The following VAV3 variants were observed in gnomAD, a reference collection of about 807,000 sequenced individuals.
The protein encoded by VAV3 is vav guanine nucleotide exchange factor 3, also known as guanine nucleotide exchange factor VAV3.
VAV3 carries 94 observed loss-of-function variants against 131.2 expected under a neutral mutation model. The ratio of observed to expected loss-of-function variants is 0.72; its 90% CI spans 0.61 to 0.85. The LOEUF is 0.85. VAV3 is among the 40% of genes least tolerant of loss of function. VAV3 has a pLI of 0.00. For synonymous variants in VAV3, 349 were observed against 342.0 expected (o/e 1.02, Z -0.22); for missense variants, 939 against 1,002.7 (o/e 0.94, Z 0.86).
chr1:107,822,851 T>C (rs192385734), intron 2 of VAV3, among the ~76,000 whole-genome samples: 1 of 152,274 alleles, frequency 6.6e-6, no homozygotes, highest in African/African-American at 2.4e-5. Flanking sequence ...TACCAGGCAC[T>C]TTTCTAGGTA....
intron 18 of VAV3, among the ~76,000 whole-genome samples, chr1:107,686,135 A>C (rs1659015269): frequency 6.6e-6 from 1 of 152,020 alleles, no homozygotes. Flanking sequence ...CCTCTAAAAA[A>C]AAAGGGATTT....
chr1:107,691,078 T>C (rs1382929074), intron 17 of VAV3, among the ~76,000 whole-genome samples: 2 of 152,196 alleles, frequency 1.3e-5, no homozygotes, highest in Middle Eastern at 3.2e-3. Context: ...CCTGTATTTA[T>C]GCTTTTGTGC....
intron 17 of VAV3, among the ~76,000 whole-genome samples, chr1:107,691,731 G>T (rs1659435383): frequency 6.6e-6 from 1 of 152,044 alleles, no homozygotes; most frequent in Non-Finnish European, 1.5e-5. Flanking sequence ...GGGCCCTCAA[G>T]GGGTTTATAC....
intron 21 of VAV3, among the ~76,000 whole-genome samples, chr1:107,615,663 C>T (rs983279647): frequency 6.6e-6 from 1 of 152,084 alleles, no homozygotes; most frequent in African/African-American, 2.4e-5. Flanking sequence ...AAACAGGCAA[C>T]ATAGAGAATG....
chr1:107,733,460 T>C (rs893713042), intron 15 of VAV3, among the ~76,000 whole-genome samples: 3 of 152,140 alleles, frequency 2.0e-5, no homozygotes, highest in Non-Finnish European at 4.4e-5. Context: ...AGGAGGATGT[T>C]CGAACTCATC....
chr1:107,615,198 G>A (rs1653051936), intron 21 of VAV3, among the ~76,000 whole-genome samples: 1 of 152,060 alleles, frequency 6.6e-6, no homozygotes, highest in Non-Finnish European at 1.5e-5. Context: ...TGACAAAGCT[G>A]ACAAAAACAG....
chr1:107,851,298 G>C (rs1163615878), intron 2 of VAV3, among the ~76,000 whole-genome samples: 3 of 151,004 alleles, frequency 2.0e-5, no homozygotes, highest in Admixed American at 2.0e-4. Flanking sequence ...TGTATCATCT[G>C]GCCTTAAACA....
chr1:107,955,699 G>A (rs1674776154), intron 1 of VAV3, among the ~76,000 whole-genome samples: 1 of 150,334 alleles, frequency 6.7e-6, no homozygotes, highest in Admixed American at 6.6e-5. Context: ...ATATGCAACA[G>A]CACAGAGACA....
chr1:107,945,588 T>C (rs1007622147), intron 1 of VAV3, among the ~76,000 whole-genome samples: 3 of 151,650 alleles, frequency 2.0e-5, no homozygotes, highest in African/African-American at 7.3e-5. Context: ...CTTTGAGAGG[T>C]TGAGACGAGC....
chr1:107,661,612 A>G (rs1657022506), intron 19 of VAV3, among the ~76,000 whole-genome samples: 1 of 152,258 alleles, frequency 6.6e-6, no homozygotes, highest in Non-Finnish European at 1.5e-5. Context: ...TTGGTGTCCA[A>G]TAATCTCTCA....
At chr1:107,943,027 G>C (rs924049184) in intron 1 of VAV3, among the ~76,000 whole-genome samples, 3 of 152,146 alleles carry the variant, frequency 2.0e-5, no homozygotes, top group African/African-American at 7.2e-5. Flanking sequence ...GTAGAGTTCA[G>C]CTTCTCACAG....
intron 3 of VAV3, among the ~76,000 whole-genome samples, chr1:107,778,432 A>G (rs1665493134): frequency 6.6e-6 from 1 of 152,216 alleles, no homozygotes; most frequent in South Asian, 2.1e-4. Flanking sequence ...ATAACATAAA[A>G]TATATATTGA....
intron 1 of VAV3, among the ~76,000 whole-genome samples, chr1:107,880,241 C>G (rs1443362953): frequency 6.6e-6 from 1 of 152,084 alleles, no homozygotes; most frequent in Non-Finnish European, 1.5e-5. Context: ...GTGGGAGTCA[C>G]CTACATAAAG....
rs144987943 is a variant in VAV3, at chr1:107,814,197, C to A, written c.322-34705G>T. 1.2e-3 allele frequency among the ~76,000 whole-genome samples: 188 copies of A among 152,154 alleles called. 2 individuals are homozygous for A. In the Middle Eastern group the frequency reaches 0.017, roughly 14 times the overall value. On this transcript the variant is annotated intron_variant, in intron 2 of 26. Coordinates refer to ENST00000370056, the MANE Select transcript of VAV3 (RefSeq NM_006113.5). ...CAGTAGCGAAAACTGCTGGATCACA[C>A]AATAGTTCTATTTTTGGGGAAATCT...
At chr1:107,885,865 G>A (rs141224040) in intron 1 of VAV3, among the ~76,000 whole-genome samples, 1 of 152,262 alleles carries the variant, frequency 6.6e-6, no homozygotes, top group East Asian at 1.9e-4. Flanking sequence ...CCAAACTAGG[G>A]AGCTGGGAGC....
intron 15 of VAV3, among the ~76,000 whole-genome samples, chr1:107,709,845 T>C (rs1449618209): frequency 6.6e-6 from 1 of 152,212 alleles, no homozygotes; most frequent in South Asian, 2.1e-4. Flanking sequence ...TCCCCAGCCA[T>C]GCTGAACTGT....
intron 1 of VAV3, among the ~76,000 whole-genome samples, chr1:107,893,288 T>G (rs912874480): frequency 7.9e-5 from 12 of 152,242 alleles, no homozygotes; most frequent in African/African-American, 2.9e-4. Context: ...TTTTTAAAGT[T>G]TGATTTTTAC....
chr1:107,768,399 A>G, intron 7 of VAV3, 42 bp downstream of exon 7: 2 of 1,484,408 alleles, frequency 1.3e-6, no homozygotes, highest in Non-Finnish European at 1.9e-6. Flanking sequence ...TGAAGATTTT[A>G]TTGAAGTACA....
chr1:107,945,698 T>TG (rs1263110519), intron 1 of VAV3, among the ~76,000 whole-genome samples: 2 of 151,836 alleles, frequency 1.3e-5, no homozygotes, highest in Non-Finnish European at 2.9e-5. Context: ...GGCGGGCACC[T>TG]GTAATCCCAG....
Sources: gnomAD v4.1 joint callset for allele counts (sites outside exome capture counted in the v4.1 genomes callset) on GRCh38, gnomAD v4.1.1 for gene constraint, MANE v1.5 for transcripts, NCBI Gene and HGNC (gene_info 2026-07-23, HGNC 2026-07-21) for gene names.